The following NYX variants were observed in gnomAD, a reference collection of about 807,000 sequenced individuals.
NYX encodes nyctalopin, also known as leucine-rich repeat protein.
For synonymous variants in NYX, 258 were observed against 245.7 expected, an observed-to-expected ratio of 1.05 and a Z score of -0.47; for missense variants, 481 against 485.4, an observed-to-expected ratio of 0.99 and a Z score of 0.09.
At chrX:41,471,649 C>T (rs2064360511) in intron 2 of NYX, among the ~76,000 whole-genome samples, 1 of 110,709 alleles carries the variant, frequency 9.0e-6, no homozygotes, top group African/African-American at 3.3e-5. Flanking sequence ...ATAAACTTGT[C>T]TGTGGAGGTC....
At position 41,473,479 on chromosome X, in the gene NYX, C is replaced by G. The variant is rs1355344476; in HGVS notation, c.23-12C>G. The G allele has an allele frequency of 1.0e-6, 1 of 972,143 alleles. No individual in the cohort carries two copies. The highest frequency in any genetic ancestry group is 2.0e-5 in the African/African-American group (1 of 48,833). 80.1% of individuals were successfully genotyped at this position (972,143 alleles called of 1,213,427 possible). Reference sequence around the variant, plus strand: ...TCCTCCTTCCCGACTCCCCACCACCCTGTCCCCGCAGCGGTGGTCCTCGGC... The same window carrying G: ...TCCTCCTTCCCGACTCCCCACCACCGTGTCCCCGCAGCGGTGGTCCTCGGC... On this transcript the variant is annotated splice_polypyrimidine_tract_variant and intron_variant, in intron 2 of 2. Coordinates refer to ENST00000378220, the MANE Select transcript of NYX (RefSeq NM_001378477.3).
Position 41,474,455 on chromosome X carries a change from C to A in NYX, c.987C>A (p.Phe329Leu). The A allele has an allele frequency of 8.3e-7, 1 of 1,209,119 alleles. No homozygotes were observed. The highest frequency in any genetic ancestry group is 1.1e-6 in the Non-Finnish European group (1 of 895,448). The change falls in exon 3 of 3, where the codon TTC becomes TTA. Residue 329 changes from phenylalanine to leucine, a missense_variant. Physicochemically the swap from Phe to Leu is conservative, Grantham distance 22. Transcript: ENST00000378220. ...TCTTCCTGGGCCGCCTCTTCCTCTT[C>A]CGCAACCCGTGGTGCTGCGACTGCC... The part of the protein sequence containing the change: ...PGFFLGRLFL[F>L]RNPWCCDCRL...
chrX:41,460,169 C>CTTTTTT (rs565873921), intron 2 of NYX, among the ~76,000 whole-genome samples: 2 of 93,313 alleles, frequency 2.1e-5, no homozygotes, highest in Non-Finnish European at 4.2e-5. Flanking sequence ...TATTCTTTTT[C>CTTTTTT]TTTTTTTTTT....
chrX:41,474,934 C>A lies in NYX; in HGVS notation c.*35C>A, dbSNP rs1364509841. ...AGGGGGGAAAGTTTGCTTAACTGGG[C>A]TTGAGTGTGTTTGTGGTAAGGGGAG... On this transcript the variant is annotated 3_prime_UTR_variant, in exon 3 of 3. Transcript: ENST00000378220. 4.5e-6 allele frequency: 5 copies of A among 1,118,840 alleles called. No individual in the cohort carries two copies. Among genetic ancestry groups the A allele is most frequent in the Non-Finnish European group, 6.1e-6 (5 of 822,035 alleles). 92.2% of individuals were successfully genotyped at this position (1,118,840 alleles called of 1,213,427 possible).
In NYX at chrX:41,463,812, A is replaced by AC. The variant is rs771770911; in HGVS notation, c.23-9672dup. 2.7e-3 allele frequency among the ~76,000 whole-genome samples: 293 copies of AC among 107,475 alleles called. 1 individual carries two copies. The highest frequency in any genetic ancestry group is 0.01 in the South Asian group (25 of 2,465). The allele number at this position is 107,475 out of a possible 115,157, so 93.3% of individuals were successfully genotyped here. A position where few individuals can be genotyped will look rare whatever the true frequency, so the allele number is the denominator to read the frequency against. ...TTGAACTCCTGACCTCAGGTGATCC[A>AC]CCCCCCCATCGGCCTCCCAAAGTGC... On this transcript the variant is annotated intron_variant, in intron 2 of 2. Coordinates refer to ENST00000378220, the MANE Select transcript of NYX (RefSeq NM_001378477.3).
At chrX:41,452,002 C>T (rs1183075304) in intron 2 of NYX, among the ~76,000 whole-genome samples, 5 of 110,758 alleles carry the variant, frequency 4.5e-5, no homozygotes, top group Admixed American at 9.7e-5. Flanking sequence ...GAGACAGGGT[C>T]TTGCTCTGTT....
chrX:41,474,153 C>T lies in NYX; in HGVS notation c.685C>T (p.His229Tyr). The T allele has an allele frequency of 8.7e-7, 1 of 1,146,106 alleles. No homozygotes were observed. The highest frequency in any genetic ancestry group is 1.2e-6 in the Non-Finnish European group (1 of 867,691). The allele number at this position is 1,146,106 out of a possible 1,213,427, so 94.5% of individuals were successfully genotyped here. A position where few individuals can be genotyped will look rare whatever the true frequency, so the allele number is the denominator to read the frequency against. ...GAFGDCGVLE[H>Y]LLLNDNLLAE... is the part of the protein sequence containing the mutation. ...CTTCGGGGACTGTGGCGTCCTGGAG[C>T]ATCTGCTGCTCAACGACAACCTGCT... The change falls in exon 3 of 3, where the codon CAT becomes TAT. Residue 229 changes from histidine to tyrosine, a missense_variant. Physicochemically the swap from His to Tyr is moderately conservative, Grantham distance 83. Transcript: ENST00000378220.
At chrX:41,448,296 A>G (rs996845004) in intron 2 of NYX, among the ~76,000 whole-genome samples, 1 of 111,105 alleles carries the variant, frequency 9.0e-6, no homozygotes, top group African/African-American at 3.3e-5. Context: ...AGGCTGGAGT[A>G]CAGTGGTGCG....
intron 2 of NYX, among the ~76,000 whole-genome samples, chrX:41,473,129 A>G (rs2064368609): frequency 8.9e-6 from 1 of 111,874 alleles, no homozygotes; most frequent in South Asian, 3.7e-4. Flanking sequence ...CCATTCAGTC[A>G]GTGCCGAAAC....
chrX:41,472,894 G>A (rs776881423), intron 2 of NYX, among the ~76,000 whole-genome samples: 2 of 111,776 alleles, frequency 1.8e-5, no homozygotes, highest in Non-Finnish European at 3.8e-5. Flanking sequence ...CGCCTCCCGG[G>A]TTCAAGGGAT....
At chrX:41,470,110 T>A (rs184272550) in intron 2 of NYX, among the ~76,000 whole-genome samples, 1 of 108,326 alleles carries the variant, frequency 9.2e-6, no homozygotes, top group African/African-American at 3.4e-5. Flanking sequence ...TTAGTGACTG[T>A]TACAGAAAAA....
At chrX:41,455,262 T>C (rs1176957004) in intron 2 of NYX, among the ~76,000 whole-genome samples, 2 of 109,582 alleles carry the variant, frequency 1.8e-5, no homozygotes, top group African/African-American at 6.6e-5. Flanking sequence ...CCCACCACCA[T>C]GCCCGGCTAA....
At chrX:41,456,129 C>A (rs761675576) in intron 2 of NYX, among the ~76,000 whole-genome samples, 3 of 111,114 alleles carry the variant, frequency 2.7e-5, no homozygotes, top group Non-Finnish European at 3.8e-5. Flanking sequence ...CTTGACTAGG[C>A]GGTTCAAGAC....
intron 2 of NYX, among the ~76,000 whole-genome samples, chrX:41,462,689 G>T (rs759631514): frequency 9.0e-4 from 101 of 111,879 alleles, no homozygotes; most frequent in Non-Finnish European, 1.1e-3. Flanking sequence ...ACTTTAATTT[G>T]TATCTCCCTA....
At chrX:41,448,076 G>T in intron 2 of NYX, 150 bp downstream of exon 2, 1 of 570,561 alleles carries the variant, frequency 1.8e-6, no homozygotes, top group Non-Finnish European at 2.9e-6. Flanking sequence ...GTGGGGGAGG[G>T]GATAGAGAAA....
chrX:41,467,295 C>T (rs2064344099), intron 2 of NYX, among the ~76,000 whole-genome samples: 1 of 110,330 alleles, frequency 9.1e-6, no homozygotes, highest in Non-Finnish European at 1.9e-5. Flanking sequence ...ACTGAACAAA[C>T]CAATACAGTT....
At chrX:41,465,653 G>T (rs1294850607) in intron 2 of NYX, among the ~76,000 whole-genome samples, 3 of 103,429 alleles carry the variant, frequency 2.9e-5, no homozygotes, top group Non-Finnish European at 5.9e-5. Flanking sequence ...GAGTAGCTGG[G>T]ACTACAGGTG....
chrX:41,463,533 C>T (rs2064327898), intron 2 of NYX, among the ~76,000 whole-genome samples: 1 of 109,967 alleles, frequency 9.1e-6, no homozygotes, highest in African/African-American at 3.3e-5. Flanking sequence ...AGCGATTCTC[C>T]TGCCTCAGCC....
chrX:41,465,742 C>T (rs1272403978), intron 2 of NYX, among the ~76,000 whole-genome samples: 2 of 102,305 alleles, frequency 2.0e-5, no homozygotes, highest in East Asian at 3.1e-4. Flanking sequence ...TGGCTGGTCT[C>T]GAACTCCTGA....
Sources: allele counts gnomAD v4.1 joint callset (sites outside exome capture counted in the v4.1 genomes callset), GRCh38; gene constraint gnomAD v4.1.1; transcripts MANE v1.5; gene names NCBI Gene and HGNC (gene_info 2026-07-23, HGNC 2026-07-21).